The following EPHB1 variants were observed in gnomAD, a reference collection of about 807,000 sequenced individuals.
The protein encoded by EPHB1 is EPH receptor B1.
EPHB1 carries 30 observed loss-of-function variants against 94.4 expected under a neutral mutation model. The ratio of observed to expected loss-of-function variants is 0.32; its 90% CI spans 0.24 to 0.43. The LOEUF (loss-of-function observed/expected upper bound fraction) is 0.43. EPHB1 is among the 20% of genes least tolerant of loss of function. The pLI is 1.00. For synonymous variants in EPHB1, 522 were observed against 489.1 expected, an observed-to-expected ratio of 1.07 and a Z score of -0.89; for missense variants, 1,055 against 1,308.3, an observed-to-expected ratio of 0.81 and a Z score of 2.99.
intron 1 of EPHB1, among the ~76,000 whole-genome samples, chr3:134,906,452 T>C (rs2038331329): frequency 6.6e-6 from 1 of 152,260 alleles, no homozygotes; most frequent in Non-Finnish European, 1.5e-5. Context: ...TTTTTTCTTT[T>C]AATTGTACAA....
chr3:135,076,250 T>TAC (rs1452151688), intron 3 of EPHB1, among the ~76,000 whole-genome samples: 8 of 144,988 alleles, frequency 5.5e-5, no homozygotes, highest in Non-Finnish European at 1.2e-4. Context: ...TATATATATA[T>TAC]ATATATATAT....
intron 2 of EPHB1, among the ~76,000 whole-genome samples, chr3:134,929,380 GCA>G (rs1463509708): frequency 6.6e-6 from 1 of 152,194 alleles, no homozygotes; most frequent in Non-Finnish European, 1.5e-5. Context: ...GAGAGGCTGG[GCA>G]TATTTCAGAG....
At position 135,235,031 on chromosome 3, in the gene EPHB1, G is replaced by A. The variant is rs186197434; in HGVS notation, c.2347-6117G>A. Among the ~76,000 whole-genome samples the A allele has an allele frequency of 2.2e-3, 334 of 152,324 alleles. 2 individuals are homozygous for A. Among genetic ancestry groups the A allele is most frequent in the Non-Finnish European group, 2.5e-3 (169 of 68,042 alleles). ...CTTCTCTCCATACCTGGAAGGTCTA[G>A]CCCAGTGGTTCTCAGGCTTGGTTGC... On this transcript the variant is annotated intron_variant, in intron 12 of 15. Transcript: ENST00000398015.
intron 1 of EPHB1, among the ~76,000 whole-genome samples, chr3:134,903,381 A>G (rs921460969): frequency 1.3e-5 from 2 of 152,106 alleles, no homozygotes; most frequent in African/African-American, 2.4e-5. Flanking sequence ...AGAGAGGCTG[A>G]CTCTTCACAT....
intron 10 of EPHB1, among the ~76,000 whole-genome samples, chr3:135,184,840 A>T (rs1942288842): frequency 6.6e-6 from 1 of 152,352 alleles, no homozygotes; most frequent in East Asian, 1.9e-4. Context: ...TATTGTTACC[A>T]TGAGTCTGAC....
At chr3:135,006,309 G>A (rs1365352706) in intron 3 of EPHB1, among the ~76,000 whole-genome samples, 1 of 152,248 alleles carries the variant, frequency 6.6e-6, no homozygotes, top group Admixed American at 6.5e-5. Context: ...AAGTAGAACA[G>A]AGGTTACTAC....
rs1480112141 is a variant in EPHB1 at position 135,179,543 on chromosome 3, C to T, written c.1760-317C>T. Among the ~76,000 whole-genome samples, 4 of 152,190 alleles carry T rather than the reference C, an allele frequency of 2.6e-5. No individual in the cohort carries two copies. The East Asian group carries it at 5.8e-4, about 22-fold the overall frequency. On this transcript the variant is annotated intron_variant, in intron 9 of 15. Transcript: ENST00000398015. ...CATTTGGTTGGCATCAGTCAGCTTC[C>T]TTGCCTTCTGTGAGCACCCGGTGTG...
chr3:135,020,083 G>C (rs950675688), intron 3 of EPHB1, among the ~76,000 whole-genome samples: 15 of 152,160 alleles, frequency 9.9e-5, no homozygotes, highest in Non-Finnish European at 2.2e-4. Context: ...ACAACAAACG[G>C]TGTTGGTTAA....
chr3:134,896,271 T>A (rs1046833266), intron 1 of EPHB1, among the ~76,000 whole-genome samples: 7 of 152,004 alleles, frequency 4.6e-5, no homozygotes, highest in Non-Finnish European at 8.8e-5. Flanking sequence ...GTATTTGACT[T>A]GAGTCTTCTG....
At chr3:135,151,652 T>G (rs1049990048) in intron 5 of EPHB1, among the ~76,000 whole-genome samples, 1 of 152,236 alleles carries the variant, frequency 6.6e-6, no homozygotes, top group Non-Finnish European at 1.5e-5. Context: ...AAAAAGTGAC[T>G]GGTACTTGAC....
At chr3:135,004,140 T>G (rs1419509763) in intron 3 of EPHB1, among the ~76,000 whole-genome samples, 3 of 152,066 alleles carry the variant, frequency 2.0e-5, no homozygotes, top group Non-Finnish European at 4.4e-5. Context: ...AGAAGCTCTT[T>G]TAGGGCAGGC....
chr3:135,248,857 G>T (rs536151074), intron 14 of EPHB1, among the ~76,000 whole-genome samples: 1 of 152,118 alleles, frequency 6.6e-6, no homozygotes, highest in East Asian at 1.9e-4. Flanking sequence ...GGATACCTGG[G>T]TGTCTGCTTT....
chr3:135,049,516 C>G (rs1244235366), intron 3 of EPHB1, among the ~76,000 whole-genome samples: 2 of 152,228 alleles, frequency 1.3e-5, no homozygotes, highest in Non-Finnish European at 2.9e-5. Flanking sequence ...GGCTCCCTCA[C>G]AGCATGGTGG....
intron 3 of EPHB1, among the ~76,000 whole-genome samples, chr3:135,039,426 G>A (rs1052822719): frequency 4.6e-5 from 7 of 152,182 alleles, no homozygotes; most frequent in African/African-American, 7.2e-5. Context: ...CCGTGCGCTC[G>A]CATTCCTCAT....
At chr3:134,921,671 G>A (rs1046377766) in intron 1 of EPHB1, among the ~76,000 whole-genome samples, 29 of 152,254 alleles carry the variant, frequency 1.9e-4, no homozygotes, top group Admixed American at 1.4e-3. Flanking sequence ...ATACTTTATC[G>A]ATATCATATA....
At position 134,885,055 on chromosome 3, in the gene EPHB1, TTTC is replaced by T. The variant is rs538648751; in HGVS notation, c.59-40756_59-40754del. Among the ~76,000 whole-genome samples the T allele has an allele frequency of 1.2e-3, 176 of 152,336 alleles. No homozygotes were observed. The South Asian group carries it at 0.012, about 11-fold the overall frequency. On this transcript the variant is annotated intron_variant, in intron 1 of 15. Coordinates refer to ENST00000398015, the MANE Select transcript of EPHB1 (RefSeq NM_004441.5). ...TTTTGGATTCTAATGGTGCAAAGAA[TTTC>T]TTCTGCTTTTCAAAAAGTTAGAAGA... is the stretch of plus-strand genomic sequence containing the variant.
At chr3:135,179,326 T>C (rs1002502976) in intron 9 of EPHB1, among the ~76,000 whole-genome samples, 2 of 152,206 alleles carry the variant, frequency 1.3e-5, no homozygotes, top group Admixed American at 1.3e-4. Flanking sequence ...GTGTACCGTC[T>C]TGGCACTTCC....
At chr3:134,867,142 T>G (rs1318784078) in intron 1 of EPHB1, among the ~76,000 whole-genome samples, 1 of 152,148 alleles carries the variant, frequency 6.6e-6, no homozygotes, top group Non-Finnish European at 1.5e-5. Context: ...ATACTCTAGG[T>G]GTAGGCCAAT....
intron 3 of EPHB1, among the ~76,000 whole-genome samples, chr3:135,055,740 G>A (rs948000541): frequency 3.9e-5 from 6 of 152,180 alleles, no homozygotes; most frequent in South Asian, 2.1e-4. Context: ...AGGGTCACAC[G>A]TGTCAAGTCG....
Sources: allele counts gnomAD v4.1 joint callset (sites outside exome capture counted in the v4.1 genomes callset), GRCh38; gene constraint gnomAD v4.1.1; transcripts MANE v1.5; gene names NCBI Gene and HGNC (gene_info 2026-07-23, HGNC 2026-07-21).